The following ZFHX4 variants were observed in gnomAD, a reference collection of about 807,000 sequenced individuals.
ZFHX4 encodes zinc finger homeobox 4.
ZFHX4 carries 56 observed loss-of-function variants against 267.6 expected under a neutral mutation model. That is an observed-to-expected ratio of 0.21 (90% CI 0.17 to 0.26). The LOEUF (loss-of-function observed/expected upper bound fraction) is 0.26. Ranked by LOEUF, ZFHX4 falls within the 10% of genes least tolerant of loss-of-function variation. The probability of loss-of-function intolerance (pLI) is 1.00; values close to 1 mark genes in which losing one functional copy is unlikely to be tolerated. For missense variants in ZFHX4, 4,332 were observed against 4,420.0 expected (o/e 0.98, Z 0.56); for synonymous variants, 1,778 against 1,665.6 (o/e 1.07, Z -1.64).
chr8:76,837,346 G>A (rs941013400), intron 5 of ZFHX4, among the ~76,000 whole-genome samples: 4 of 152,040 alleles, frequency 2.6e-5, no homozygotes, highest in Non-Finnish European at 4.4e-5. Context: ...GTCGAGCAAA[G>A]GAAGTGAAGT....
chr8:76,725,717 G>A (rs1808833826), intron 3 of ZFHX4, among the ~76,000 whole-genome samples: 1 of 152,072 alleles, frequency 6.6e-6, no homozygotes. Context: ...TCAGTGTACT[G>A]TAAACCTTTT....
At chr8:76,713,972 C>G (rs1808499082) in intron 3 of ZFHX4, among the ~76,000 whole-genome samples, 1 of 152,086 alleles carries the variant, frequency 6.6e-6, no homozygotes, top group Non-Finnish European at 1.5e-5. Flanking sequence ...ACCTCAGAAA[C>G]AGAGTCAATT....
chr8:76,810,574 GTTTTCTGT>G lies in ZFHX4; in HGVS notation c.3326-22763_3326-22756del, dbSNP rs986409352. Among the ~76,000 whole-genome samples, 70 of 152,278 alleles carry G rather than the reference GTTTTCTGT, an allele frequency of 4.6e-4. 1 individual carries two copies. Among genetic ancestry groups the G allele is most frequent in the African/African-American group, 1.6e-3 (67 of 41,556 alleles). On this transcript the variant is annotated intron_variant, in intron 4 of 10. Coordinates refer to ENST00000651372, the MANE Select transcript of ZFHX4 (RefSeq NM_024721.5). ...AAGCCAAGCAGTGACTGGGAAAACT[GTTTTCTGT>G]CTAACTACAGGTCACGTTAGAAGGG... is the stretch of plus-strand genomic sequence containing the variant.
chr8:76,845,655 G>A (rs1586003292), intron 6 of ZFHX4, among the ~76,000 whole-genome samples: 1 of 152,026 alleles, frequency 6.6e-6, no homozygotes, highest in Middle Eastern at 3.4e-3. Flanking sequence ...TTGAGTACAT[G>A]TGCGTTATTG....
intron 3 of ZFHX4, among the ~76,000 whole-genome samples, chr8:76,723,076 T>C (rs971232222): frequency 2.0e-5 from 3 of 152,080 alleles, no homozygotes; most frequent in African/African-American, 7.2e-5. Context: ...ATACATTCTT[T>C]CTTAGAAGTT....
intron 4 of ZFHX4, among the ~76,000 whole-genome samples, chr8:76,800,455 G>A (rs1369592613): frequency 1.3e-5 from 2 of 152,160 alleles, no homozygotes; most frequent in East Asian, 3.9e-4. Flanking sequence ...TTCACTTGAA[G>A]ATAGGCATTT....
At chr8:76,685,427 A>C (rs1298158702) in intron 1 of ZFHX4, among the ~76,000 whole-genome samples, 2 of 152,202 alleles carry the variant, frequency 1.3e-5, no homozygotes, top group Non-Finnish European at 2.9e-5. Context: ...AGACCGTTTT[A>C]GGATTTTCGT....
intron 4 of ZFHX4, among the ~76,000 whole-genome samples, chr8:76,823,781 G>A (rs1010842036): frequency 1.3e-5 from 2 of 152,034 alleles, no homozygotes; most frequent in Non-Finnish European, 2.9e-5. Context: ...GTTATCTGAG[G>A]ATTTTCTTTT....
intron 3 of ZFHX4, among the ~76,000 whole-genome samples, chr8:76,713,282 A>AAGATCGAT: frequency 7.0e-6 from 1 of 143,070 alleles, no homozygotes; most frequent in African/African-American, 2.6e-5. Flanking sequence ...GATAGATAGA[A>AAGATCGAT]AGATAGATAG....
At chr8:76,795,527 C>T (rs1027845241) in intron 4 of ZFHX4, among the ~76,000 whole-genome samples, 4 of 143,956 alleles carry the variant, frequency 2.8e-5, no homozygotes, top group African/African-American at 1.0e-4. Flanking sequence ...ATCTTCAGAA[C>T]AAAAATGATC....
intron 4 of ZFHX4, among the ~76,000 whole-genome samples, chr8:76,794,551 A>C (rs1280867940): frequency 6.6e-6 from 1 of 152,142 alleles, no homozygotes; most frequent in Non-Finnish European, 1.5e-5. Flanking sequence ...CAGTACTAGA[A>C]TCAGAACAAT....
At position 76,835,243 on chromosome 8, in the gene ZFHX4, A is replaced by G. The variant is rs2728453; in HGVS notation, c.3394+1837A>G. Among the ~76,000 whole-genome samples, 252 of 102,466 alleles carry G rather than the reference A, an allele frequency of 2.5e-3. 3 individuals carry two copies. Among genetic ancestry groups the G allele is most frequent in the Middle Eastern group, 5.2e-3 (1 of 194 alleles). The allele number at this position is 102,466 out of a possible 152,430, so 67.2% of individuals were successfully genotyped here. A position where few individuals can be genotyped will look rare whatever the true frequency, so the allele number is the denominator to read the frequency against. On this transcript the variant is annotated intron_variant, in intron 5 of 10. Coordinates refer to ENST00000651372, the MANE Select transcript of ZFHX4 (RefSeq NM_024721.5). ...TGTATATATATATATATATATATGT[A>G]TATATATATATATATATTCATACAT...
chr8:76,858,672 C>T (rs1271836126), intron 10 of ZFHX4, among the ~76,000 whole-genome samples: 1 of 152,190 alleles, frequency 6.6e-6, no homozygotes, highest in African/African-American at 2.4e-5. Context: ...CTGTGGTTCT[C>T]TATTTTCCCA....
At chr8:76,767,044 GGTGT>G (rs34640815) in intron 3 of ZFHX4, among the ~76,000 whole-genome samples, 2,571 of 146,798 alleles carry the variant, frequency 0.018, 69 homozygotes, top group African/African-American at 0.052. Context: ...CTCATAAAGG[GGTGT>G]GTGTGTGTGT....
At chr8:76,828,645 G>T (rs1348450142) in intron 4 of ZFHX4, among the ~76,000 whole-genome samples, 1 of 152,118 alleles carries the variant, frequency 6.6e-6, no homozygotes, top group Non-Finnish European at 1.5e-5. Context: ...TAGTCACATA[G>T]CTCCAGTAGA....
At chr8:76,830,351 A>G (rs537479004) in intron 4 of ZFHX4, among the ~76,000 whole-genome samples, 3 of 152,250 alleles carry the variant, frequency 2.0e-5, no homozygotes, top group Non-Finnish European at 4.4e-5. Flanking sequence ...AAATACTATT[A>G]AAACAACGAA....
At chr8:76,839,848 C>G (rs1812189165) in intron 5 of ZFHX4, among the ~76,000 whole-genome samples, 2 of 152,096 alleles carry the variant, frequency 1.3e-5, no homozygotes. Flanking sequence ...CGTAGCCACT[C>G]CTTCCCTTAA....
At chr8:76,787,197 T>C (rs1810714030) in intron 4 of ZFHX4, among the ~76,000 whole-genome samples, 1 of 152,206 alleles carries the variant, frequency 6.6e-6, no homozygotes, top group Non-Finnish European at 1.5e-5. Flanking sequence ...CATTTCAGTT[T>C]ATAGTTTAAG....
At chr8:76,819,570 G>A (rs1386190768) in intron 4 of ZFHX4, among the ~76,000 whole-genome samples, 1 of 152,064 alleles carries the variant, frequency 6.6e-6, no homozygotes, top group Non-Finnish European at 1.5e-5. Flanking sequence ...GAGAACAATG[G>A]GCAGAAGTTC....
Sources: allele counts gnomAD v4.1 joint callset (sites outside exome capture counted in the v4.1 genomes callset), GRCh38; gene constraint gnomAD v4.1.1; transcripts MANE v1.5; gene names NCBI Gene and HGNC (gene_info 2026-07-23, HGNC 2026-07-21).